PCDHGA5: variants seen among roughly 807,000 people sequenced by gnomAD.
The protein encoded by PCDHGA5 is protocadherin gamma subfamily A, 5.
A neutral mutation model predicts 56.7 loss-of-function variants in PCDHGA5; 36 were observed. That is an observed-to-expected ratio of 0.64 (90% confidence interval 0.49 to 0.84). The LOEUF (loss-of-function observed/expected upper bound fraction) is 0.84, where lower values mean the gene tolerates loss of function less well. Among genes scored for constraint, PCDHGA5 ranks in the 40% least tolerant of loss-of-function variants. PCDHGA5 has a pLI of 0.00. For missense variants in PCDHGA5, 1,305 were observed against 1,201.5 expected, an observed-to-expected ratio of 1.09 and a Z score of -1.27; for synonymous variants, 563 against 520.2, an observed-to-expected ratio of 1.08 and a Z score of -1.12.
chr5:141,450,823 A>AT (rs1453980247), intron 1 of PCDHGA5, among the ~76,000 whole-genome samples: 4 of 133,078 alleles, frequency 3.0e-5, no homozygotes, highest in African/African-American at 1.2e-4. Context: ...TAATATTATT[A>AT]TTATTATTTT....
intron 1 of PCDHGA5, among the ~76,000 whole-genome samples, chr5:141,430,390 A>G (rs1231067120): frequency 6.6e-6 from 1 of 152,216 alleles, no homozygotes; most frequent in Non-Finnish European, 1.5e-5. Flanking sequence ...TGGGAAAAAA[A>G]AAAAAAGCTC....
intron 1 of PCDHGA5, chr5:141,389,664 G>A (rs1182835621): frequency 5.0e-6 from 8 of 1,612,210 alleles, no homozygotes; most frequent in Admixed American, 1.7e-5. Context: ...GGCGGTGGAC[G>A]CAGACTCAGG....
At chr5:141,370,547 C>T in intron 1 of PCDHGA5, 1 of 1,613,888 alleles carries the variant, frequency 6.2e-7, no homozygotes, top group Non-Finnish European at 8.5e-7. Flanking sequence ...GGAACCTCGC[C>T]AAGGACCTGG....
At position 141,365,824 on chromosome 5, in the gene PCDHGA5, G is replaced by A; in HGVS notation, c.1494G>A (p.Gly498=). The A allele has an allele frequency of 1.2e-6, 2 of 1,613,926 alleles. No homozygotes were observed. Among genetic ancestry groups the A allele is most frequent in the Non-Finnish European group, 1.7e-6 (2 of 1,179,904 alleles). ...TYSLAEDTFQ[G]APLSSYVSIN... is the part of the protein sequence containing the mutation. ...CCCTGGCTGAAGACACATTTCAGGG[G>A]GCGCCCTTGTCCTCCTATGTATCCA... is the stretch of plus-strand genomic sequence containing the variant. Residue 498 remains glycine (G), a synonymous_variant, in exon 1 of 4, where the codon GGG becomes GGA. Transcript: ENST00000518069.
intron 1 of PCDHGA5, chr5:141,371,923 G>A: frequency 2.5e-6 from 4 of 1,613,350 alleles, no homozygotes; most frequent in African/African-American, 1.3e-5. Flanking sequence ...GTGAGCGCGC[G>A]GAGCGGGGTG....
At chr5:141,450,898 C>T (rs929869116) in intron 1 of PCDHGA5, among the ~76,000 whole-genome samples, 12 of 150,412 alleles carry the variant, frequency 8.0e-5, no homozygotes, top group African/African-American at 2.9e-4. Context: ...GATATCGGCT[C>T]ACTGCAACCG....
At position 141,406,249 on chromosome 5, in the gene PCDHGA5, G is replaced by A. The variant is rs73279090; in HGVS notation, c.2421+39498G>A. Among the ~76,000 whole-genome samples, 1,262 of 152,022 alleles carry A rather than the reference G, an allele frequency of 8.3e-3. 17 individuals are homozygous for A. The highest frequency in any genetic ancestry group is 0.029 in the African/African-American group (1,198 of 41,452). On this transcript the variant is annotated intron_variant, in intron 1 of 3. Coordinates refer to ENST00000518069, the MANE Select transcript of PCDHGA5 (RefSeq NM_018918.3). ...CTAGCAAGCTATGTTGCCCAGACTG[G>A]TCTCAAACGATCTTCCTGCTTCAGT...
Position 141,366,209 on chromosome 5 carries a change from C to T in PCDHGA5, c.1879C>T (p.Arg627Cys), listed in dbSNP as rs371864119. The change falls in exon 1 of 4, where the codon CGC becomes TGC. Residue 627 changes from arginine (R) to cysteine (C), a missense_variant. Physicochemically the swap from Arg to Cys is radical, Grantham distance 180. Transcript: ENST00000518069. ...FAVGLHTGEV[R>C]TARALLDRDA... ...GGTTGGGCTGCACACGGGCGAGGTG[C>T]GCACAGCGCGAGCCCTGCTGGACAG... is the stretch of plus-strand genomic sequence containing the variant. The T allele has an allele frequency of 2.5e-6, 4 of 1,613,698 alleles. No individual in the cohort carries two copies. In the African/African-American group the frequency reaches 5.3e-5, roughly 22 times the overall value.
In PCDHGA5 at chr5:141,432,293, G is replaced by C. The variant is rs765631138; in HGVS notation, c.2422-62514G>C. Reference sequence around the variant, plus strand: ...CTACGTGTCCATCAACTCCGACACTGGGGTACTGTATGCGCTGAGCTCCTT... The same window carrying C: ...CTACGTGTCCATCAACTCCGACACTCGGGTACTGTATGCGCTGAGCTCCTT... On this transcript the variant is annotated intron_variant, in intron 1 of 3. Coordinates refer to ENST00000518069, the MANE Select transcript of PCDHGA5 (RefSeq NM_018918.3). This position sits in a 1 kb window ranked among gnomAD's most constrained non-coding sequence, Gnocchi z 6.0. 6.2e-7 allele frequency: 1 copy of C among 1,614,254 alleles called. No individual in the cohort carries two copies.
chr5:141,477,749 C>A lies in PCDHGA5; in HGVS notation c.2422-17058C>A, dbSNP rs2099417192. The A allele has an allele frequency of 6.2e-7, 1 of 1,613,786 alleles. No homozygotes were observed. Among genetic ancestry groups the A allele is most frequent in the African/African-American group, 1.3e-5 (1 of 74,928 alleles). ...AGCTCATATCAGCGATGGGGGCACCCCGGTCCTAGCCACCAACATCAGCGT... is the reference window on the plus strand; with the variant it reads ...AGCTCATATCAGCGATGGGGGCACCACGGTCCTAGCCACCAACATCAGCGT... On this transcript the variant is annotated intron_variant, in intron 1 of 3. Coordinates refer to ENST00000518069, the MANE Select transcript of PCDHGA5 (RefSeq NM_018918.3). This position sits in a 1 kb window ranked among gnomAD's most constrained non-coding sequence, Gnocchi z 4.9.
chr5:141,398,051 C>G, intron 1 of PCDHGA5: 3 of 1,512,220 alleles, frequency 2.0e-6, no homozygotes, highest in Non-Finnish European at 2.7e-6. Context: ...GTTCGGAGAT[C>G]CAAAAATCTA....
Position 141,489,407 on chromosome 5 carries a change from T to C in PCDHGA5, c.2422-5400T>C. On this transcript the variant is annotated intron_variant, in intron 1 of 3. Transcript: ENST00000518069. This position sits in a 1 kb window ranked among gnomAD's most constrained non-coding sequence, Gnocchi z 4.5. ...GTTGCTCAGGATCTGGGCTTAAAGA[T>C]GACAGATCTGTTGAGCCGGCGGCTG... 6.2e-7 allele frequency: 1 copy of C among 1,614,140 alleles called. No individual in the cohort carries two copies.
intron 1 of PCDHGA5, chr5:141,373,875 AAATC>A (rs3840507): frequency 0.061 from 29,734 of 483,624 alleles, 1,189 homozygotes; most frequent in African/African-American, 0.14. Context: ...CTGGGCAAGA[AAATC>A]AACGGAAACT....
intron 1 of PCDHGA5, chr5:141,415,772 T>TA (rs763083459): frequency 1.1e-5 from 15 of 1,332,970 alleles, no homozygotes; most frequent in Non-Finnish European, 1.3e-5. Flanking sequence ...TTTTTTTTTT[T>TA]ACTTTCTGGT....
At chr5:141,374,686 C>A (rs765389244) in intron 1 of PCDHGA5, 1 of 1,609,760 alleles carries the variant, frequency 6.2e-7, no homozygotes, top group South Asian at 1.1e-5. Flanking sequence ...GCACACTGGA[C>A]CGGGAAGGAG....
At chr5:141,385,281 C>G (rs761366864) in intron 1 of PCDHGA5, 15 of 1,613,230 alleles carry the variant, frequency 9.3e-6, no homozygotes, top group Admixed American at 3.3e-5. Flanking sequence ...TGCTAACATC[C>G]GTAGATTTTC....
At chr5:141,446,657 A>G (rs2098510367) in intron 1 of PCDHGA5, among the ~76,000 whole-genome samples, 1 of 152,092 alleles carries the variant, frequency 6.6e-6, no homozygotes, top group African/African-American at 2.4e-5. Context: ...TTGTATTTTT[A>G]GTACAAGACA....
intron 1 of PCDHGA5, chr5:141,376,115 C>A: frequency 1.2e-6 from 2 of 1,613,870 alleles, no homozygotes; most frequent in Non-Finnish European, 8.5e-7. Flanking sequence ...CCTGGGCAGC[C>A]TCGAGCCCTC....
chr5:141,439,697 A>T (rs2098127217), intron 1 of PCDHGA5, among the ~76,000 whole-genome samples: 1 of 152,218 alleles, frequency 6.6e-6, no homozygotes, highest in Non-Finnish European at 1.5e-5. Flanking sequence ...CAACATTCCT[A>T]TTATGGCTCC....
Sources: gnomAD v4.1 joint callset for allele counts (sites outside exome capture counted in the v4.1 genomes callset) on GRCh38, gnomAD v4.1.1 for gene constraint, Gnocchi (gnomAD v3.1) non-coding constraint, MANE v1.5 for transcripts, NCBI Gene and HGNC (gene_info 2026-07-23, HGNC 2026-07-21) for gene names.